The following ZNF804B variants were observed in gnomAD, a reference collection of about 807,000 sequenced individuals.
ZNF804B encodes the protein zinc finger 804B.
In ZNF804B, 80 loss-of-function variants were observed where a neutral mutation model predicts 101.4. The observed-to-expected ratio is 0.79, with a 90% CI of 0.66 to 0.95. ZNF804B has a LOEUF of 0.95. ZNF804B is among the 40% of genes least tolerant of loss of function. ZNF804B has a pLI of 0.00. For synonymous variants in ZNF804B, 622 were observed against 558.8 expected, an observed-to-expected ratio of 1.11 and a Z score of -1.59; for missense variants, 1,673 against 1,561.9, an observed-to-expected ratio of 1.07 and a Z score of -1.20.
intron 1 of ZNF804B, among the ~76,000 whole-genome samples, chr7:88,901,137 T>C (rs1348584546): frequency 6.6e-6 from 1 of 151,780 alleles, no homozygotes; most frequent in Non-Finnish European, 1.5e-5. Context: ...AGAAAAAAAG[T>C]GTTGTGAGCT....
intron 2 of ZNF804B, among the ~76,000 whole-genome samples, chr7:89,316,812 A>T (rs961787697): frequency 2.0e-5 from 3 of 152,290 alleles, no homozygotes; most frequent in African/African-American, 2.4e-5. Flanking sequence ...GCTCATGAAG[A>T]TTCTGAGCAG....
At chr7:89,113,779 C>T (rs745445589) in intron 1 of ZNF804B, among the ~76,000 whole-genome samples, 3 of 152,040 alleles carry the variant, frequency 2.0e-5, no homozygotes, top group African/African-American at 4.8e-5. Context: ...AGTGAAACCT[C>T]GTCTCTACTA....
chr7:88,997,955 A>G (rs1286254646), intron 1 of ZNF804B, among the ~76,000 whole-genome samples: 5 of 152,020 alleles, frequency 3.3e-5, no homozygotes, highest in Non-Finnish European at 1.5e-5. Flanking sequence ...GTCTTGAATG[A>G]CAGTTGTTCC....
intron 1 of ZNF804B, among the ~76,000 whole-genome samples, chr7:89,056,730 C>T (rs534035549): frequency 6.6e-6 from 1 of 152,160 alleles, no homozygotes; most frequent in African/African-American, 2.4e-5. Context: ...TTGCCTAATT[C>T]CTGAAATCAC....
intron 1 of ZNF804B, among the ~76,000 whole-genome samples, chr7:89,060,544 C>T (rs940011272): frequency 6.6e-6 from 1 of 151,976 alleles, no homozygotes; most frequent in East Asian, 1.9e-4. Flanking sequence ...AATCTATATG[C>T]CGTGGTTTAA....
chr7:89,077,219 G>T (rs182438687), intron 1 of ZNF804B, among the ~76,000 whole-genome samples: 2 of 152,176 alleles, frequency 1.3e-5, no homozygotes, highest in African/African-American at 4.8e-5. Flanking sequence ...CAGACCTGGA[G>T]AAATTCAGAA....
At chr7:89,101,312 A>C (rs1031148445) in intron 1 of ZNF804B, among the ~76,000 whole-genome samples, 1 of 152,086 alleles carries the variant, frequency 6.6e-6, no homozygotes, top group Non-Finnish European at 1.5e-5. Flanking sequence ...AAGTATCAGA[A>C]GTGAATATTT....
intron 1 of ZNF804B, among the ~76,000 whole-genome samples, chr7:89,103,697 C>G (rs561351850): frequency 1.3e-5 from 2 of 152,010 alleles, no homozygotes; most frequent in African/African-American, 4.8e-5. Flanking sequence ...TTGACTTCCT[C>G]TTTACAATTT....
chr7:88,874,171 A>G (rs1368080957), intron 1 of ZNF804B, among the ~76,000 whole-genome samples: 101 of 152,048 alleles, frequency 6.6e-4, no homozygotes, highest in South Asian at 1.7e-3. Context: ...AGTTCTCCTT[A>G]AAGAGGTCCT....
At chr7:89,025,276 A>C (rs1788732102) in intron 1 of ZNF804B, among the ~76,000 whole-genome samples, 1 of 152,080 alleles carries the variant, frequency 6.6e-6, no homozygotes, top group South Asian at 2.1e-4. Context: ...TAATTATTGA[A>C]TGACATAAGT....
intron 2 of ZNF804B, among the ~76,000 whole-genome samples, chr7:89,265,890 G>C (rs747914186): frequency 4.6e-5 from 7 of 152,124 alleles, no homozygotes; most frequent in Non-Finnish European, 1.0e-4. Flanking sequence ...TTTCACTAGG[G>C]CTTCATAGTA....
intron 1 of ZNF804B, among the ~76,000 whole-genome samples, chr7:89,120,741 A>G (rs541096275): frequency 7.3e-5 from 11 of 151,096 alleles, no homozygotes; most frequent in African/African-American, 2.7e-4. Context: ...TTTTAGTTTT[A>G]TTGTTTTTAA....
intron 1 of ZNF804B, among the ~76,000 whole-genome samples, chr7:88,930,995 G>A (rs1584023264): frequency 6.6e-6 from 1 of 151,796 alleles, no homozygotes; most frequent in Admixed American, 6.6e-5. Flanking sequence ...TTGGTCAGTA[G>A]CTTAAGAATT....
chr7:89,195,092 A>G (rs1338860630), intron 1 of ZNF804B, among the ~76,000 whole-genome samples: 10 of 151,648 alleles, frequency 6.6e-5, no homozygotes. Flanking sequence ...CAAAAACCAC[A>G]TGATTATCTC....
At chr7:88,838,808 TA>T in intron 1 of ZNF804B, among the ~76,000 whole-genome samples, 1 of 151,984 alleles carries the variant, frequency 6.6e-6, no homozygotes, top group Non-Finnish European at 1.5e-5. Context: ...CTAATAAATA[TA>T]AAAGTCTCAG....
intron 1 of ZNF804B, among the ~76,000 whole-genome samples, chr7:88,946,958 T>A (rs997436975): frequency 3.3e-5 from 5 of 151,842 alleles, no homozygotes; most frequent in African/African-American, 1.2e-4. Flanking sequence ...ATCAAAACCA[T>A]AATGAGATAC....
At chr7:89,103,073 TTTTTTTTTTTA>T (rs1790085265) in intron 1 of ZNF804B, among the ~76,000 whole-genome samples, 2 of 136,062 alleles carry the variant, frequency 1.5e-5, no homozygotes, top group Admixed American at 7.3e-5. Flanking sequence ...TTTTTTTTTT[TTTTTTTTTTTA>T]CCAATACTGT....
intron 1 of ZNF804B, among the ~76,000 whole-genome samples, chr7:88,926,302 G>C (rs1281479073): frequency 6.6e-6 from 1 of 151,872 alleles, no homozygotes; most frequent in African/African-American, 2.4e-5. Context: ...TAAAATCAAA[G>C]GAGGCCGGGT....
At chr7:88,820,978 A>G (rs1218874668) in intron 1 of ZNF804B, among the ~76,000 whole-genome samples, 1 of 152,128 alleles carries the variant, frequency 6.6e-6, no homozygotes, top group African/African-American at 2.4e-5. Flanking sequence ...TTAATAGCCT[A>G]AAAGTGTCAC....
Sources: gnomAD v4.1 joint callset for allele counts (sites outside exome capture counted in the v4.1 genomes callset) on GRCh38, gnomAD v4.1.1 for gene constraint, MANE v1.5 for transcripts, NCBI Gene and HGNC (gene_info 2026-07-23, HGNC 2026-07-21) for gene names.